Variants in KLF8 observed in about 807,000 individuals in gnomAD.
KLF8 encodes the protein KLF transcription factor 8, also known as Krueppel-like factor 8.
A neutral mutation model predicts 18.2 loss-of-function variants in KLF8; 10 were observed. That is an observed-to-expected ratio of 0.55 (90% confidence interval 0.34 to 0.93). The LOEUF (loss-of-function observed/expected upper bound fraction) is 0.93. Ranked by LOEUF, KLF8 falls within the 40% of genes least tolerant of loss-of-function variation. The pLI, the probability that KLF8 is intolerant of heterozygous loss-of-function variation, is 0.02. For synonymous variants in KLF8, 109 were observed against 97.3 expected, an observed-to-expected ratio of 1.12 and a Z score of -0.71; for missense variants, 264 against 277.9, an observed-to-expected ratio of 0.95 and a Z score of 0.36.
the KLF8 span, among the ~76,000 whole-genome samples, chrX:56,102,756 TA>T: frequency 1.8e-5 from 2 of 111,546 alleles, no homozygotes; most frequent in Non-Finnish European, 3.8e-5. Flanking sequence ...TTCTTATTTT[TA>T]TTTTTTTATT....
At chrX:56,227,184 G>A in the KLF8 span, among the ~76,000 whole-genome samples, 4 of 111,681 alleles carry the variant, frequency 3.6e-5, no homozygotes, top group Non-Finnish European at 5.6e-5. Context: ...AGCTGCTTGT[G>A]GTAAGTAACA....
the KLF8 span, among the ~76,000 whole-genome samples, chrX:56,050,203 C>A: frequency 9.0e-6 from 1 of 110,911 alleles, no homozygotes; most frequent in East Asian, 2.8e-4. Flanking sequence ...TTTTGTTGAT[C>A]CTTTCAAAAA....
the KLF8 span, among the ~76,000 whole-genome samples, chrX:56,113,994 G>A: frequency 3.6e-5 from 4 of 112,016 alleles, no homozygotes; most frequent in Non-Finnish European, 5.6e-5. Flanking sequence ...GGGAGACTGC[G>A]GCTGGCCCTA....
chrX:55,991,437 C>A, the KLF8 span, among the ~76,000 whole-genome samples: 1 of 112,014 alleles, frequency 8.9e-6, no homozygotes, highest in Non-Finnish European at 1.9e-5. Flanking sequence ...AATTCCGTGA[C>A]CCCTTTCACT....
the KLF8 span, among the ~76,000 whole-genome samples, chrX:56,135,936 A>T: frequency 9.0e-6 from 1 of 111,619 alleles, no homozygotes. Flanking sequence ...ACAACCTAAC[A>T]TCACACATAG....
At chrX:55,929,917 A>G in the KLF8 span, among the ~76,000 whole-genome samples, 1 of 109,374 alleles carries the variant, frequency 9.1e-6, no homozygotes, top group Admixed American at 9.8e-5. Flanking sequence ...AATTCTGTGA[A>G]GAAAGTCATT....
the KLF8 span, among the ~76,000 whole-genome samples, chrX:56,053,231 G>A: frequency 1.1e-4 from 12 of 112,308 alleles, no homozygotes; most frequent in African/African-American, 3.6e-4. Flanking sequence ...TGTCCTCTGC[G>A]TCGCTCACGC....
At chrX:56,152,073 G>T in the KLF8 span, among the ~76,000 whole-genome samples, 1 of 111,723 alleles carries the variant, frequency 9.0e-6, no homozygotes, top group South Asian at 3.7e-4. Flanking sequence ...GGAATTTACA[G>T]GGATTTGCTT....
chrX:55,911,028 A>G, the KLF8 span, among the ~76,000 whole-genome samples: 1 of 112,138 alleles, frequency 8.9e-6, no homozygotes, highest in East Asian at 2.8e-4. Flanking sequence ...ATTGACCAGA[A>G]GCCTTACTGA....
chrX:55,914,298 C>A, the KLF8 span, among the ~76,000 whole-genome samples: 1 of 111,731 alleles, frequency 9.0e-6, no homozygotes, highest in Non-Finnish European at 1.9e-5. Context: ...GCCATGAGAA[C>A]CCTCTATGTA....
chrX:56,183,920 G>A, the KLF8 span, among the ~76,000 whole-genome samples: 3 of 111,540 alleles, frequency 2.7e-5, no homozygotes, highest in Admixed American at 2.8e-4. Flanking sequence ...AACAGCTCTG[G>A]TCTACAGCTC....
the KLF8 span, among the ~76,000 whole-genome samples, chrX:56,028,665 G>T: frequency 9.0e-6 from 1 of 111,554 alleles, no homozygotes; most frequent in African/African-American, 3.3e-5. Context: ...CCCTGAAGAT[G>T]ATGCGGGAAT....
the KLF8 span, among the ~76,000 whole-genome samples, chrX:55,990,970 C>T: frequency 8.9e-6 from 1 of 112,470 alleles, no homozygotes; most frequent in Non-Finnish European, 1.9e-5. Context: ...AGGAGGCAGT[C>T]TGTCCATTCT....
At chrX:56,161,940 G>T in the KLF8 span, among the ~76,000 whole-genome samples, 2 of 111,610 alleles carry the variant, frequency 1.8e-5, no homozygotes, top group Non-Finnish European at 1.9e-5. Context: ...ACATACAGAT[G>T]GGGTTTTGGT....
chrX:56,086,598 A>AT, the KLF8 span, among the ~76,000 whole-genome samples: 16 of 110,978 alleles, frequency 1.4e-4, no homozygotes, highest in East Asian at 1.4e-3. Context: ...TAACACAGAC[A>AT]TTTTTTTCTA....
At chrX:56,236,290 C>T (rs1030020658) in intron 1 of KLF8, among the ~76,000 whole-genome samples, 5 of 111,900 alleles carry the variant, frequency 4.5e-5, no homozygotes, top group African/African-American at 1.6e-4. Context: ...CTTATTTAAA[C>T]TCTGTACTTT....
chrX:56,179,920 A>G, the KLF8 span, among the ~76,000 whole-genome samples: 2 of 111,713 alleles, frequency 1.8e-5, no homozygotes, highest in African/African-American at 6.5e-5. Context: ...TTTTGCATCA[A>G]TGTTCCTCAG....
chrX:56,213,296 TTTC>T, the KLF8 span, among the ~76,000 whole-genome samples: 6 of 47,680 alleles, frequency 1.3e-4, no homozygotes, highest in African/African-American at 8.8e-5. Flanking sequence ...TTTCTTTTCT[TTTC>T]TTTTCTTTTC....
At chrX:56,177,991 C>A in the KLF8 span, among the ~76,000 whole-genome samples, 1 of 111,744 alleles carries the variant, frequency 8.9e-6, no homozygotes, top group South Asian at 3.7e-4. Flanking sequence ...TTTCCAGGTG[C>A]CATCTGTCAC....
Sources: allele counts gnomAD v4.1 joint callset (sites outside exome capture counted in the v4.1 genomes callset), GRCh38; gene constraint gnomAD v4.1.1; transcripts MANE v1.5; gene names NCBI Gene and HGNC (gene_info 2026-07-23, HGNC 2026-07-21).